Variants in CNTN3 observed in about 807,000 individuals in gnomAD.
CNTN3 encodes contactin 3, also known as contactin-3.
A neutral mutation model predicts 119.1 loss-of-function variants in CNTN3; 60 were observed. The observed-to-expected ratio is 0.50, with a 90% confidence interval of 0.41 to 0.62. The LOEUF is 0.62. Among genes scored for constraint, CNTN3 ranks in the 20% least tolerant of loss-of-function variants. The pLI is 0.00. For missense variants in CNTN3, 1,101 were observed against 1,242.4 expected, an observed-to-expected ratio of 0.89 and a Z score of 1.71; for synonymous variants, 450 against 438.7, an observed-to-expected ratio of 1.03 and a Z score of -0.32.
At chr3:74,422,314 A>G (rs1701628836) in intron 5 of CNTN3, among the ~76,000 whole-genome samples, 1 of 152,174 alleles carries the variant, frequency 6.6e-6, no homozygotes, top group Non-Finnish European at 1.5e-5. Flanking sequence ...TTGCTCTCCT[A>G]TGCATGCTCT....
intron 11 of CNTN3, among the ~76,000 whole-genome samples, chr3:74,350,992 T>C (rs1477204833): frequency 2.6e-5 from 4 of 152,114 alleles, no homozygotes; most frequent in South Asian, 2.1e-4. Context: ...GTTCACTATA[T>C]TTGGGTGATG....
At chr3:74,545,997 C>CT (rs892360786) in intron 1 of CNTN3, among the ~76,000 whole-genome samples, 45 of 149,480 alleles carry the variant, frequency 3.0e-4, no homozygotes, top group South Asian at 4.2e-4. Context: ...TTTTTCCTTT[C>CT]TTTTTTTTTT....
At chr3:74,485,325 CT>C (rs1431116421) in intron 4 of CNTN3, among the ~76,000 whole-genome samples, 1 of 151,912 alleles carries the variant, frequency 6.6e-6, no homozygotes, top group African/African-American at 2.4e-5. Context: ...CTTTAGTTAA[CT>C]TAAGGGTAAC....
chr3:74,302,924 C>A, intron 13 of CNTN3, 117 bp from the exon 14 acceptor site: 1 of 622,564 alleles, frequency 1.6e-6, no homozygotes. Context: ...GGGAGCAAAC[C>A]AAGGTGGTAT....
chr3:74,369,448 T>C (rs1297690342), intron 7 of CNTN3, 75 bp from the exon 8 acceptor site: 7 of 1,232,074 alleles, frequency 5.7e-6, no homozygotes, highest in Non-Finnish European at 7.7e-6. Flanking sequence ...GCTTTTAAGA[T>C]TGAACAAGAA....
intron 1 of CNTN3, among the ~76,000 whole-genome samples, chr3:74,553,653 T>C (rs1035879096): frequency 6.6e-6 from 1 of 152,234 alleles, no homozygotes; most frequent in East Asian, 1.9e-4. Flanking sequence ...TGATATCTCA[T>C]TGTGGTTTTG....
In CNTN3 at chr3:74,336,143, CAATT is replaced by C. The variant is rs1559552644; in HGVS notation, c.1492+384_1492+387del. 3.3e-5 allele frequency among the ~76,000 whole-genome samples: 5 copies of C among 152,082 alleles called. No homozygotes were observed. The East Asian group carries it at 9.7e-4, about 29-fold the overall frequency. ...AATAAAATATATCCACAACTTTAAG[CAATT>C]CTTATTTATATCCTGTTATTTCCTG... On this transcript the variant is annotated intron_variant, in intron 12 of 22. Transcript: ENST00000263665.
chr3:74,524,792 T>A (rs1703592026), intron 1 of CNTN3, among the ~76,000 whole-genome samples: 1 of 151,792 alleles, frequency 6.6e-6, no homozygotes, highest in Non-Finnish European at 1.5e-5. Context: ...GATTGATCAG[T>A]ATGCATGCCC....
intron 1 of CNTN3, among the ~76,000 whole-genome samples, chr3:74,533,973 T>C (rs565320090): frequency 2.0e-5 from 3 of 152,078 alleles, no homozygotes; most frequent in African/African-American, 7.2e-5. Flanking sequence ...CTGCAAACAA[T>C]TATCCAGCCC....
At chr3:74,603,326 G>A (rs1157519408) in intron 1 of CNTN3, among the ~76,000 whole-genome samples, 2 of 152,076 alleles carry the variant, frequency 1.3e-5, no homozygotes, top group African/African-American at 4.8e-5. Flanking sequence ...CCAGTCAGGT[G>A]GTGGATACAT....
In CNTN3 at chr3:74,300,047, C is replaced by T. The variant is rs1324626636; in HGVS notation, c.2096-109G>A. On this transcript the variant is annotated intron_variant, in intron 16 of 22. Coordinates refer to ENST00000263665, the MANE Select transcript of CNTN3 (RefSeq NM_020872.3). Reference sequence around the variant, plus strand: ...ATTTAAAATAATTTCATCATTGGCACATGATTCATACATATGGGTGTTTAT... The same window carrying T: ...ATTTAAAATAATTTCATCATTGGCATATGATTCATACATATGGGTGTTTAT... The T allele has an allele frequency of 6.8e-6, 4 of 592,058 alleles. No individual in the cohort carries two copies. In the African/African-American group the frequency reaches 7.6e-5, roughly 11 times the overall value. 36.7% of individuals were successfully genotyped at this position (592,058 alleles called of 1,614,324 possible).
At chr3:74,609,769 C>T (rs1705050143) in intron 1 of CNTN3, among the ~76,000 whole-genome samples, 1 of 152,300 alleles carries the variant, frequency 6.6e-6, no homozygotes, top group Non-Finnish European at 1.5e-5. Flanking sequence ...TCAAACTCCA[C>T]TGTGGGCCAG....
chr3:74,324,896 T>C (rs980278157), intron 13 of CNTN3, among the ~76,000 whole-genome samples: 13 of 152,198 alleles, frequency 8.5e-5, no homozygotes, highest in Non-Finnish European at 1.5e-4. Flanking sequence ...AGAAAACTAG[T>C]ATATATATCG....
At chr3:74,334,306 T>G (rs902714910) in intron 13 of CNTN3, among the ~76,000 whole-genome samples, 2 of 152,166 alleles carry the variant, frequency 1.3e-5, no homozygotes, top group East Asian at 3.9e-4. Flanking sequence ...CTGGTGCAAT[T>G]GTGAGGATTA....
intron 1 of CNTN3, among the ~76,000 whole-genome samples, chr3:74,571,608 T>G (rs1704335367): frequency 1.3e-5 from 2 of 152,196 alleles, no homozygotes; most frequent in South Asian, 4.1e-4. Context: ...TTGTGGTATA[T>G]GTTCACAAAG....
rs1704743021 is a variant in CNTN3, at chr3:74,593,785, A to G, written c.-81+20606T>C. ...TAGCTGCTGCTTTTATTATTTTAGCATCTGCTAAGAGGAAGCCCACTGTGT... is the reference window on the plus strand; with the variant it reads ...TAGCTGCTGCTTTTATTATTTTAGCGTCTGCTAAGAGGAAGCCCACTGTGT... On this transcript the variant is annotated intron_variant, in intron 1 of 22. Coordinates refer to ENST00000263665, the MANE Select transcript of CNTN3 (RefSeq NM_020872.3). Among the ~76,000 whole-genome samples, 6 of 152,114 alleles carry G rather than the reference A, an allele frequency of 3.9e-5. No individual in the cohort carries two copies. In the South Asian group the frequency reaches 8.3e-4, roughly 21 times the overall value.
intron 5 of CNTN3, among the ~76,000 whole-genome samples, chr3:74,413,197 C>T (rs958669901): frequency 2.0e-5 from 3 of 152,046 alleles, no homozygotes; most frequent in Non-Finnish European, 4.4e-5. Flanking sequence ...AGGTAGGGAC[C>T]ACTCTTTCTC....
At chr3:74,498,725 A>G (rs1182946848) in intron 3 of CNTN3, among the ~76,000 whole-genome samples, 2 of 151,828 alleles carry the variant, frequency 1.3e-5, no homozygotes, top group African/African-American at 4.8e-5. Flanking sequence ...TTTTATTAAT[A>G]CTGGCTGAAG....
At chr3:74,287,729 T>C (rs1294290739) in intron 19 of CNTN3, among the ~76,000 whole-genome samples, 2 of 152,122 alleles carry the variant, frequency 1.3e-5, no homozygotes, top group Admixed American at 6.5e-5. Context: ...GTGTAGGTAA[T>C]AGGATGCTGG....
Sources: gnomAD v4.1 joint callset for allele counts (sites outside exome capture counted in the v4.1 genomes callset) on GRCh38, gnomAD v4.1.1 for gene constraint, MANE v1.5 for transcripts, NCBI Gene and HGNC (gene_info 2026-07-23, HGNC 2026-07-21) for gene names.